The following HMGXB4 variants were observed in gnomAD, a reference collection of about 807,000 sequenced individuals.
HMGXB4 encodes the protein HMG-box containing 4.
A neutral mutation model predicts 63.9 loss-of-function variants in HMGXB4; 27 were observed. That is an observed-to-expected ratio of 0.42 (90% confidence interval 0.31 to 0.58). HMGXB4 has a LOEUF of 0.58. HMGXB4 is among the 20% of genes least tolerant of loss of function. The pLI is 0.13. For synonymous variants in HMGXB4, 264 were observed against 265.3 expected (o/e 0.99, Z 0.05); for missense variants, 624 against 700.7 (o/e 0.89, Z 1.24).
the HMGXB4 span, among the ~76,000 whole-genome samples, chr22:35,246,759 G>A: frequency 6.6e-6 from 1 of 152,138 alleles, no homozygotes; most frequent in Admixed American, 6.5e-5. Context: ...CGGTTGTTCT[G>A]CCTTCTTCTC....
rs1263094499 is a variant in HMGXB4 at position 35,264,629 on chromosome 22, T to C, written c.260-19T>C. 1.3e-6 allele frequency: 2 copies of C among 1,527,384 alleles called. No individual in the cohort carries two copies. The highest frequency in any genetic ancestry group is 2.2e-5 in the Admixed American group (1 of 46,472). The allele number at this position is 1,527,384 out of a possible 1,614,324, so 94.6% of individuals were successfully genotyped here. ...TTGCTTCCCATCATATTGACAGTAC[T>C]TCTCTTGATTATTTCTAGATATTTC... On this transcript the variant is annotated intron_variant, in intron 4 of 10. Coordinates refer to ENST00000216106, the MANE Select transcript of HMGXB4 (RefSeq NM_001003681.3).
the HMGXB4 span, among the ~76,000 whole-genome samples, chr22:35,245,659 C>T: frequency 2.0e-5 from 3 of 152,188 alleles, no homozygotes; most frequent in South Asian, 2.1e-4. Flanking sequence ...CTAGATCTTA[C>T]TTAAACCTTC....
At chr22:35,275,745 AGAAG>A (rs1923876824) in intron 5 of HMGXB4, among the ~76,000 whole-genome samples, 1 of 152,206 alleles carries the variant, frequency 6.6e-6, no homozygotes, top group African/African-American at 2.4e-5. Flanking sequence ...TTGCTTAAAA[AGAAG>A]TTACTTTTTG....
intron 5 of HMGXB4, among the ~76,000 whole-genome samples, chr22:35,277,568 G>A (rs922086761): frequency 1.6e-4 from 25 of 152,138 alleles, no homozygotes; most frequent in African/African-American, 9.7e-5. Flanking sequence ...AGGCTGTCTT[G>A]AACTGCTGAC....
chr22:35,265,108 G>A lies in HMGXB4; in HGVS notation c.720G>A (p.Glu240=). 1 of 1,614,130 alleles carries A rather than the reference G, an allele frequency of 6.2e-7. No individual in the cohort carries two copies. Among genetic ancestry groups the A allele is most frequent in the Non-Finnish European group, 8.5e-7 (1 of 1,180,032 alleles). ...DEQGALLLGH[E]LQSFLKTARK... ...AGGGTGCTTTACTCCTAGGACATGA[G>A]TTACAGAGCTTTCTGAAAACAGCCC... Residue 240 remains glutamate (E), a synonymous_variant, in exon 5 of 11, where the codon GAG becomes GAA. Transcript: ENST00000216106.
Position 35,292,439 on chromosome 22 carries a change from C to T in HMGXB4, c.1639-553C>T, listed in dbSNP as rs186807102. On this transcript the variant is annotated intron_variant, in intron 9 of 10. Transcript: ENST00000216106. ...AGCAGATTATACAAGAACTCGGCAG[C>T]AGCAACAGTCTTTCTTATCTCTTTG... Among the ~76,000 whole-genome samples, 187 of 152,266 alleles carry T rather than the reference C, an allele frequency of 1.2e-3. 1 individual carries two copies. Among genetic ancestry groups the T allele is most frequent in the African/African-American group, 4.4e-3 (182 of 41,550 alleles).
intron 6 of HMGXB4, 96 bp downstream of exon 6, chr22:35,284,139 C>A (rs905876076): frequency 2.3e-6 from 2 of 884,206 alleles, no homozygotes; most frequent in African/African-American, 3.3e-5. Context: ...GAGCATAAAT[C>A]TTGTTTCTTT....
intron 5 of HMGXB4, among the ~76,000 whole-genome samples, chr22:35,273,697 G>A (rs1289242614): frequency 6.6e-6 from 1 of 152,082 alleles, no homozygotes; most frequent in Non-Finnish European, 1.5e-5. Flanking sequence ...CCACCTTTAG[G>A]AACCAAATCT....
intron 5 of HMGXB4, among the ~76,000 whole-genome samples, chr22:35,275,031 G>C (rs1275699401): frequency 6.7e-6 from 1 of 149,490 alleles, no homozygotes; most frequent in Non-Finnish European, 1.5e-5. Flanking sequence ...TCATAGGGTT[G>C]TTATGAGGTT....
At chr22:35,248,803 C>T in the HMGXB4 span, among the ~76,000 whole-genome samples, 2 of 152,062 alleles carry the variant, frequency 1.3e-5, no homozygotes, top group African/African-American at 2.4e-5. Flanking sequence ...TGAAGGATCC[C>T]CCCCCATGAT....
the HMGXB4 span, among the ~76,000 whole-genome samples, chr22:35,244,355 G>A: frequency 2.0e-5 from 3 of 148,012 alleles, no homozygotes; most frequent in East Asian, 2.0e-4. Flanking sequence ...GTACAATGGC[G>A]TGATCTCGGC....
intron 5 of HMGXB4, among the ~76,000 whole-genome samples, chr22:35,272,983 T>A (rs1923699319): frequency 6.6e-6 from 1 of 152,208 alleles, no homozygotes; most frequent in South Asian, 2.1e-4. Context: ...GAGACATGCC[T>A]TTAGTTATCT....
intron 9 of HMGXB4, among the ~76,000 whole-genome samples, chr22:35,290,990 A>G (rs1924899536): frequency 6.6e-6 from 1 of 152,208 alleles, no homozygotes; most frequent in Non-Finnish European, 1.5e-5. Flanking sequence ...GAGGCCGAGC[A>G]CTGTTGCTTG....
upstream of HMGXB4, among the ~76,000 whole-genome samples, chr22:35,253,614 CGCGT>C (rs144492153): frequency 6.6e-5 from 10 of 151,002 alleles, no homozygotes; most frequent in East Asian, 2.0e-4. Flanking sequence ...CGCGCGCGCG[CGCGT>C]GTGTGTGTGT....
intron 5 of HMGXB4, among the ~76,000 whole-genome samples, chr22:35,268,377 C>T (rs1923398553): frequency 6.6e-6 from 1 of 152,208 alleles, no homozygotes; most frequent in Non-Finnish European, 1.5e-5. Context: ...TAATATCTTT[C>T]AAGCCTTTAG....
At chr22:35,267,168 A>G (rs992171288) in intron 5 of HMGXB4, among the ~76,000 whole-genome samples, 12 of 147,958 alleles carry the variant, frequency 8.1e-5, no homozygotes, top group African/African-American at 2.9e-4. Flanking sequence ...TATATAAAAT[A>G]ATATATTATA....
Position 35,264,679 on chromosome 22 carries a change from A to T in HMGXB4, c.291A>T (p.Lys97Asn). Residue 97 changes from lysine to asparagine, a missense_variant, in exon 5 of 11, where the codon AAA (lysine) becomes AAT (asparagine). Physicochemically the swap from Lys to Asn is moderately conservative, Grantham distance 94 (BLOSUM62 0). Around this residue, in one of 2 missense-constraint regions of HMGXB4, gnomAD observed 472 missense variants for 470.6 expected, o/e 1.00. Transcript: ENST00000216106. Reference sequence around the variant, plus strand: ...CGTCTTTGGAATCGTCACAGAAGAAAAAGAAAAAGTCCAGCCCACAGTCTA... The same window carrying T: ...CGTCTTTGGAATCGTCACAGAAGAATAAGAAAAAGTCCAGCCCACAGTCTA... ...DISSLESSQKKKKKSSPQSTD... is the reference protein window; with the variant it reads ...DISSLESSQKNKKKSSPQSTD... 2 of 1,578,904 alleles carry T rather than the reference A, an allele frequency of 1.3e-6. No individual in the cohort carries two copies. The highest frequency in any genetic ancestry group is 4.5e-5 in the East Asian group (2 of 44,532).
At chr22:35,267,134 GTA>G (rs1298422839) in intron 5 of HMGXB4, among the ~76,000 whole-genome samples, 10 of 111,358 alleles carry the variant, frequency 9.0e-5, no homozygotes, top group African/African-American at 2.6e-4. Context: ...CTGTTTATCA[GTA>G]TGTGTGTGTG....
chr22:35,272,641 T>C (rs1024963302), intron 5 of HMGXB4, among the ~76,000 whole-genome samples: 3 of 152,164 alleles, frequency 2.0e-5, no homozygotes, highest in Admixed American at 6.5e-5. Flanking sequence ...CATTTTTTTG[T>C]CACTTAAAAT....
Sources: gnomAD v4.1 joint callset for allele counts (sites outside exome capture counted in the v4.1 genomes callset) on GRCh38, gnomAD v4.1.1 for gene constraint, gnomAD v4.1.1 regional missense constraint, MANE v1.5 for transcripts, NCBI Gene and HGNC (gene_info 2026-07-23, HGNC 2026-07-21) for gene names.